ITPR1: variants seen among roughly 807,000 people sequenced by gnomAD.
The protein encoded by ITPR1 is inositol 1,4,5-trisphosphate receptor type 1.
ITPR1 carries 96 observed loss-of-function variants against 318.4 expected under a neutral mutation model. The observed-to-expected ratio is 0.30, with a 90% CI of 0.26 to 0.36. The LOEUF is 0.36. ITPR1 is among the 10% of genes least tolerant of loss of function. The pLI is 1.00. For missense variants in ITPR1, 2,440 were observed against 3,460.2 expected, an observed-to-expected ratio of 0.71 and a Z score of 7.40; for synonymous variants, 1,312 against 1,289.9, an observed-to-expected ratio of 1.02 and a Z score of -0.37.
intron 43 of ITPR1, 95 bp from the exon 44 acceptor site, chr3:4,735,069 G>C (rs756819419): frequency 3.4e-5 from 30 of 890,848 alleles, no homozygotes; most frequent in Middle Eastern, 2.3e-4. Flanking sequence ...CATGGGTAAA[G>C]CATTTAGTGC....
intron 52 of ITPR1, among the ~76,000 whole-genome samples, chr3:4,791,673 C>A (rs2047565455): frequency 6.6e-6 from 1 of 152,170 alleles, no homozygotes; most frequent in Non-Finnish European, 1.5e-5. Context: ...TGGGCACTTA[C>A]TATCTGAAGT....
rs189553301 is a variant in ITPR1 at position 4,515,754 on chromosome 3, G to A, written c.-16-722G>A. ...TCTAAGACTGCCTCTAACTAGCTGC[G>A]TGTTCCTGGGCAGGGAACCTTATTA... On this transcript the variant is annotated intron_variant, in intron 2 of 61. Transcript: ENST00000649015. Among the ~76,000 whole-genome samples, 162 of 152,228 alleles carry A rather than the reference G, an allele frequency of 1.1e-3. 2 individuals carry two copies. The highest frequency in any genetic ancestry group is 0.01 in the Middle Eastern group (3 of 294).
intron 31 of ITPR1, among the ~76,000 whole-genome samples, chr3:4,690,542 A>G (rs1487673171): frequency 6.6e-6 from 1 of 152,234 alleles, no homozygotes; most frequent in Non-Finnish European, 1.5e-5. Flanking sequence ...TATCTTCTAA[A>G]GCCAAACATA....
chr3:4,562,310 G>A (rs575038183), intron 4 of ITPR1, among the ~76,000 whole-genome samples: 36 of 152,284 alleles, frequency 2.4e-4, no homozygotes, highest in Admixed American at 3.9e-4. Flanking sequence ...AGACAGTAAT[G>A]TTAAGTTGCA....
chr3:4,567,727 G>C (rs564426567), intron 4 of ITPR1, among the ~76,000 whole-genome samples: 1 of 151,988 alleles, frequency 6.6e-6, no homozygotes, highest in Admixed American at 6.6e-5. Flanking sequence ...TCAGCCTCAC[G>C]AGTAGCTGGG....
Position 4,675,202 on chromosome 3 carries a change from G to A in ITPR1, c.2733G>A (p.Ala911=), listed in dbSNP as rs562572079. The change falls in exon 23 of 62, where the codon GCG becomes GCA. Residue 911 remains alanine (A), a synonymous_variant. Transcript: ENST00000649015. The part of the protein sequence containing the change: ...VTTIFPISKM[A]KGEENKGNND... ...CAATCTTCCCCATTAGCAAGATGGC[G>A]AAAGGAGAAGAGAATAAAGGTAACA... 109 of 1,612,624 alleles carry A rather than the reference G, an allele frequency of 6.8e-5. 2 individuals carry two copies. In the South Asian group the frequency reaches 7.8e-4, roughly 12 times the overall value.
At chr3:4,580,564 G>C (rs139189060) in intron 4 of ITPR1, among the ~76,000 whole-genome samples, 3 of 152,348 alleles carry the variant, frequency 2.0e-5, no homozygotes, top group Non-Finnish European at 4.4e-5. Context: ...ATGAACAGCA[G>C]AGAGCTTGCT....
At chr3:4,663,411 G>C (rs546648794) in intron 16 of ITPR1, among the ~76,000 whole-genome samples, 25 of 152,236 alleles carry the variant, frequency 1.6e-4, no homozygotes, top group Middle Eastern at 3.4e-3. Context: ...AAAAGAGAAA[G>C]AAAAAGAGAA....
chr3:4,790,437 A>G (rs2047481788), intron 52 of ITPR1, among the ~76,000 whole-genome samples: 1 of 152,236 alleles, frequency 6.6e-6, no homozygotes, highest in Non-Finnish European at 1.5e-5. Flanking sequence ...ATTTCAGTGA[A>G]ACTTAAGCAC....
chr3:4,612,083 T>TG (rs1575718357), intron 4 of ITPR1, among the ~76,000 whole-genome samples: 1 of 134,770 alleles, frequency 7.4e-6, no homozygotes, highest in East Asian at 2.1e-4. Context: ...TTTTTTTTTT[T>TG]GAGATGGAGT....
At chr3:4,657,386 G>GTTTTTTTTTTT (rs112693174) in intron 12 of ITPR1, among the ~76,000 whole-genome samples, 1 of 133,220 alleles carries the variant, frequency 7.5e-6, no homozygotes, top group African/African-American at 3.1e-5. Context: ...TGTACCTAGA[G>GTTTTTTTTTTT]TTTTTTTTTT....
At chr3:4,534,379 C>T (rs928788373) in intron 4 of ITPR1, among the ~76,000 whole-genome samples, 5 of 152,166 alleles carry the variant, frequency 3.3e-5, no homozygotes, top group Non-Finnish European at 7.3e-5. Context: ...GTGGAGGCAT[C>T]TCTCCCCAAG....
chr3:4,669,596 C>T, intron 18 of ITPR1, 58 bp from the exon 19 acceptor site: 1 of 1,530,700 alleles, frequency 6.5e-7, no homozygotes, highest in East Asian at 2.5e-5. Flanking sequence ...GAATTGGGGT[C>T]CAGGAGCCTA....
intron 4 of ITPR1, among the ~76,000 whole-genome samples, chr3:4,587,057 G>C (rs566873343): frequency 4.6e-5 from 7 of 152,008 alleles, no homozygotes; most frequent in Admixed American, 1.3e-4. Flanking sequence ...TATAAGACTC[G>C]GGAATAAATA....
At chr3:4,508,196 G>T (rs1213991566) in intron 2 of ITPR1, among the ~76,000 whole-genome samples, 3 of 152,162 alleles carry the variant, frequency 2.0e-5, no homozygotes, top group Admixed American at 2.0e-4. Flanking sequence ...AGACTGTTCA[G>T]CCCCAGTGGC....
At chr3:4,778,609 A>T (rs1179267074) in intron 48 of ITPR1, among the ~76,000 whole-genome samples, 1 of 152,342 alleles carries the variant, frequency 6.6e-6, no homozygotes, top group Admixed American at 6.5e-5. Context: ...ATTGTGTTTT[A>T]GAGTGAATTT....
chr3:4,516,183 GT>G, intron 2 of ITPR1, among the ~76,000 whole-genome samples: 1 of 152,302 alleles, frequency 6.6e-6, no homozygotes, highest in Non-Finnish European at 1.5e-5. Context: ...ATTCACTGCA[GT>G]TTTTATTATC....
At chr3:4,767,512 A>G (rs2045895536) in intron 45 of ITPR1, among the ~76,000 whole-genome samples, 1 of 152,214 alleles carries the variant, frequency 6.6e-6, no homozygotes, top group Non-Finnish European at 1.5e-5. Flanking sequence ...GCACTGTTCA[A>G]CGTTCTTTTT....
intron 20 of ITPR1, 62 bp downstream of exon 20, chr3:4,670,988 TG>T: frequency 8.1e-7 from 1 of 1,229,440 alleles, no homozygotes; most frequent in Admixed American, 3.0e-5. Context: ...CTTAGGAATT[TG>T]TTGCTCGTTT....
Sources: allele counts gnomAD v4.1 joint callset (sites outside exome capture counted in the v4.1 genomes callset), GRCh38; gene constraint gnomAD v4.1.1; transcripts MANE v1.5; gene names NCBI Gene and HGNC (gene_info 2026-07-23, HGNC 2026-07-21).